LRRK1: variants seen among roughly 807,000 people sequenced by gnomAD.
LRRK1 encodes the protein leucine rich repeat kinase 1, also known as leucine-rich repeat serine/threonine-protein kinase 1.
LRRK1 carries 113 observed loss-of-function variants against 209.1 expected under a neutral mutation model. The observed-to-expected ratio is 0.54, with a 90% CI of 0.46 to 0.63. The LOEUF (loss-of-function observed/expected upper bound fraction) is 0.63, where lower values mean the gene tolerates loss of function less well. Among genes scored for constraint, LRRK1 ranks in the 30% least tolerant of loss-of-function variants. LRRK1 has a pLI of 0.00. For missense variants in LRRK1, 2,284 were observed against 2,632.2 expected, an observed-to-expected ratio of 0.87 and a Z score of 2.89; for synonymous variants, 1,144 against 1,099.7, an observed-to-expected ratio of 1.04 and a Z score of -0.80.
At chr15:100,966,796 G>A (rs1015222311) in intron 2 of LRRK1, among the ~76,000 whole-genome samples, 2 of 152,160 alleles carry the variant, frequency 1.3e-5, no homozygotes, top group Non-Finnish European at 2.9e-5. Flanking sequence ...AACTGAGCAG[G>A]TTCTAGATTC....
At chr15:100,958,925 G>A (rs1373024514) in intron 2 of LRRK1, among the ~76,000 whole-genome samples, 1 of 152,140 alleles carries the variant, frequency 6.6e-6, no homozygotes, top group East Asian at 1.9e-4. Flanking sequence ...GTATTTCTGG[G>A]CAGTGTGTAT....
intron 10 of LRRK1, among the ~76,000 whole-genome samples, chr15:101,014,074 A>G (rs545820201): frequency 6.6e-6 from 1 of 152,126 alleles, no homozygotes; most frequent in East Asian, 1.9e-4. Flanking sequence ...CTCTAGAATA[A>G]TTGCCTCTCA....
intron 12 of LRRK1, among the ~76,000 whole-genome samples, chr15:101,018,415 C>A (rs1047314119): frequency 2.0e-5 from 3 of 152,194 alleles, no homozygotes; most frequent in African/African-American, 7.2e-5. Flanking sequence ...GGGAAACAAA[C>A]ACCATCTTCT....
rs948639431 is a variant in LRRK1, at chr15:100,973,897, G to T, written c.191G>T (p.Arg64Leu). ...RTEGIRAAYR[R>L]GDRGGARDLL... ...GAAGGCATCCGCGCCGCGTACAGGC[G>T]GGGAGACCGCGGCGGCGCCCGGGAC... Residue 64 changes from arginine (R) to leucine (L), a missense_variant, in exon 3 of 34, where the codon CGG becomes CTG. This residue lies in a region of LRRK1 where 174 missense variants were observed against 133.5 expected (regional missense o/e 1.30). Transcript: ENST00000388948. 3.1e-6 allele frequency: 4 copies of T among 1,270,938 alleles called. No homozygotes were observed. The highest frequency in any genetic ancestry group is 4.0e-6 in the Non-Finnish European group (4 of 1,002,950). The allele number at this position is 1,270,938 out of a possible 1,614,324, so 78.7% of individuals were successfully genotyped here.
At chr15:100,981,520 G>T (rs1205156565) in intron 3 of LRRK1, among the ~76,000 whole-genome samples, 1 of 152,062 alleles carries the variant, frequency 6.6e-6, no homozygotes, top group African/African-American at 2.4e-5. Context: ...ACCTCCCACT[G>T]CCAGCCCATT....
chr15:100,925,324 T>C (rs1304134404), intron 2 of LRRK1, among the ~76,000 whole-genome samples: 2 of 152,234 alleles, frequency 1.3e-5, no homozygotes, highest in African/African-American at 4.8e-5. Context: ...ATTTTATTTT[T>C]TTACGATTTA....
chr15:100,978,916 C>T (rs1393782812), intron 3 of LRRK1, among the ~76,000 whole-genome samples: 2 of 151,916 alleles, frequency 1.3e-5, no homozygotes, highest in Non-Finnish European at 2.9e-5. Context: ...TACCCTGACA[C>T]CAAAACCAAA....
intron 20 of LRRK1, among the ~76,000 whole-genome samples, chr15:101,037,291 A>C (rs577374362): frequency 5.5e-4 from 84 of 152,308 alleles, no homozygotes; most frequent in Non-Finnish European, 9.3e-4. Context: ...GACATGTGCA[A>C]GTAGGTACCA....
chr15:101,010,217 G>A (rs2033165370), intron 7 of LRRK1, among the ~76,000 whole-genome samples: 1 of 152,108 alleles, frequency 6.6e-6, no homozygotes, highest in Admixed American at 6.5e-5. Flanking sequence ...AATCCCTGTT[G>A]GTCAGTGGAG....
At chr15:100,927,032 A>G (rs1037578353) in intron 2 of LRRK1, among the ~76,000 whole-genome samples, 1 of 152,176 alleles carries the variant, frequency 6.6e-6, no homozygotes, top group Non-Finnish European at 1.5e-5. Flanking sequence ...ACGTGTAGCT[A>G]AAGTTGAGAA....
At chr15:100,946,182 A>G (rs2042536283) in intron 2 of LRRK1, among the ~76,000 whole-genome samples, 2 of 152,242 alleles carry the variant, frequency 1.3e-5, no homozygotes, top group African/African-American at 4.8e-5. Flanking sequence ...AATTGATCCT[A>G]TCATTTAATG....
At chr15:100,930,830 A>T (rs61347869) in intron 2 of LRRK1, among the ~76,000 whole-genome samples, 1 of 152,122 alleles carries the variant, frequency 6.6e-6, no homozygotes, top group Admixed American at 6.5e-5. Context: ...AGGGATTTTT[A>T]TGAAATTCTT....
chr15:101,039,936 A>C (rs1415337923), intron 20 of LRRK1, among the ~76,000 whole-genome samples: 1 of 152,132 alleles, frequency 6.6e-6, no homozygotes, highest in Non-Finnish European at 1.5e-5. Flanking sequence ...AGTGTTCATG[A>C]TTTATTATCT....
chr15:101,043,213 G>C (rs530955635), intron 20 of LRRK1, among the ~76,000 whole-genome samples: 2 of 152,332 alleles, frequency 1.3e-5, no homozygotes, highest in African/African-American at 4.8e-5. Flanking sequence ...GAGCAGGCCT[G>C]GATCCTGCAC....
chr15:101,017,383 T>G (rs1029812321), intron 12 of LRRK1, among the ~76,000 whole-genome samples: 1 of 152,166 alleles, frequency 6.6e-6, no homozygotes, highest in Non-Finnish European at 1.5e-5. Flanking sequence ...GGAATATCAG[T>G]GGACCAGATA....
chr15:101,009,830 C>T (rs2033149323), intron 7 of LRRK1, among the ~76,000 whole-genome samples: 1 of 152,214 alleles, frequency 6.6e-6, no homozygotes. Flanking sequence ...TCATGATCCG[C>T]CTGCCTCGGC....
intron 12 of LRRK1, among the ~76,000 whole-genome samples, chr15:101,017,906 A>G (rs2033616064): frequency 6.6e-6 from 1 of 152,076 alleles, no homozygotes; most frequent in East Asian, 1.9e-4. Context: ...ATCAGGTTTA[A>G]GTATAAAAAA....
chr15:101,046,520 C>T (rs574287400), intron 21 of LRRK1, among the ~76,000 whole-genome samples: 13 of 152,182 alleles, frequency 8.5e-5, no homozygotes, highest in Non-Finnish European at 1.8e-4. Context: ...ATCCATTCCC[C>T]GAGGTGATGC....
Position 101,076,500 on chromosome 15 carries a change from C to G in LRRK1, c.*7652C>G, listed in dbSNP as rs532457358. On this transcript the variant is annotated 3_prime_UTR_variant, in exon 34 of 34. Transcript: ENST00000388948. ...CCCCACATTTCCTTCTTCCCTGCTTCTCACCCTGATCACACTTGGTTTATG... is the reference window on the plus strand; with the variant it reads ...CCCCACATTTCCTTCTTCCCTGCTTGTCACCCTGATCACACTTGGTTTATG... The G allele has an allele frequency of 5.4e-4, 82 of 152,354 alleles. No homozygotes were observed. The highest frequency in any genetic ancestry group is 1.9e-3 in the African/African-American group (80 of 41,516). The allele number at this position is 152,354 out of a possible 1,614,324, so 9.4% of individuals were successfully genotyped here.
Sources: allele counts gnomAD v4.1 joint callset (sites outside exome capture counted in the v4.1 genomes callset), GRCh38; gene constraint gnomAD v4.1.1; regional missense constraint gnomAD v4.1.1; transcripts MANE v1.5; gene names NCBI Gene and HGNC (gene_info 2026-07-23, HGNC 2026-07-21).